HSDL2: variants seen among roughly 807,000 people sequenced by gnomAD.
HSDL2 encodes hydroxysteroid dehydrogenase like 2.
A neutral mutation model predicts 46.3 loss-of-function variants in HSDL2; 27 were observed. The ratio of observed to expected loss-of-function variants is 0.58; its 90% confidence interval spans 0.43 to 0.80. The LOEUF (loss-of-function observed/expected upper bound fraction) is 0.80, where lower values mean the gene tolerates loss of function less well. Ranked by LOEUF, HSDL2 falls within the 30% of genes least tolerant of loss-of-function variation. The probability of loss-of-function intolerance (pLI) is 0.00; values close to 1 mark genes in which losing one functional copy is unlikely to be tolerated. For synonymous variants in HSDL2, 153 were observed against 163.6 expected (o/e 0.94, Z 0.50); for missense variants, 451 against 502.7 (o/e 0.90, Z 0.98).
At chr9:112,380,660 G>A (rs1359007116) in intron 1 of HSDL2, among the ~76,000 whole-genome samples, 1 of 152,038 alleles carries the variant, frequency 6.6e-6, no homozygotes, top group East Asian at 2.0e-4. Context: ...GTATCTTTGG[G>A]GGATTTTTTT....
At chr9:112,457,815 A>G (rs141392196) in intron 9 of HSDL2, among the ~76,000 whole-genome samples, 92 of 152,150 alleles carry the variant, frequency 6.0e-4, no homozygotes, top group Non-Finnish European at 1.1e-3. Context: ...TCTCTCTCAA[A>G]TGTACCCACT....
chr9:112,438,678 C>T, intron 7 of HSDL2, 53 bp downstream of exon 7: 1 of 1,041,888 alleles, frequency 9.6e-7, no homozygotes, highest in Admixed American at 2.5e-5. Flanking sequence ...ATATTTTCTG[C>T]AATGAACATA....
chr9:112,433,184 C>T (rs1832447976), intron 6 of HSDL2, among the ~76,000 whole-genome samples: 1 of 152,018 alleles, frequency 6.6e-6, no homozygotes, highest in African/African-American at 2.4e-5. Context: ...TGGAATTTTT[C>T]AAAAAGGAGA....
intron 8 of HSDL2, among the ~76,000 whole-genome samples, chr9:112,449,428 T>G (rs1832828901): frequency 6.6e-6 from 1 of 152,136 alleles, no homozygotes; most frequent in African/African-American, 2.4e-5. Flanking sequence ...TTTTCTTGAT[T>G]AGTTGCTGAT....
chr9:112,381,834 GT>G (rs1228675712), intron 1 of HSDL2, among the ~76,000 whole-genome samples: 6 of 152,232 alleles, frequency 3.9e-5, no homozygotes, highest in African/African-American at 1.4e-4. Flanking sequence ...ACTGTTTCCA[GT>G]TTTTTGGATA....
intron 6 of HSDL2, among the ~76,000 whole-genome samples, chr9:112,422,302 G>A (rs1832142797): frequency 6.6e-6 from 1 of 152,046 alleles, no homozygotes; most frequent in South Asian, 2.1e-4. Context: ...CCAATATCCA[G>A]ACATGGAAAA....
chr9:112,470,068 T>C (rs987020905), intron 10 of HSDL2, among the ~76,000 whole-genome samples: 3 of 152,218 alleles, frequency 2.0e-5, no homozygotes, highest in Admixed American at 1.3e-4. Context: ...GAACTTGAAA[T>C]GTCAAAAGTT....
intron 5 of HSDL2, among the ~76,000 whole-genome samples, chr9:112,418,363 G>A (rs1044097898): frequency 2.6e-5 from 4 of 151,928 alleles, no homozygotes; most frequent in Non-Finnish European, 4.4e-5. Flanking sequence ...CAGGTGGATT[G>A]CTTGAGCCCA....
At chr9:112,409,133 A>G (rs547555861) in intron 4 of HSDL2, 112 bp downstream of exon 4, 25 of 619,254 alleles carry the variant, frequency 4.0e-5, no homozygotes, top group African/African-American at 3.2e-4. Flanking sequence ...AATCTAGTCA[A>G]TCCTTATAAG....
At chr9:112,446,210 T>C (rs1011440896) in intron 8 of HSDL2, among the ~76,000 whole-genome samples, 5 of 152,132 alleles carry the variant, frequency 3.3e-5, no homozygotes, top group African/African-American at 1.2e-4. Context: ...CTCCCTTCCC[T>C]GTCTATATGG....
chr9:112,404,800 A>G (rs1831688062), intron 2 of HSDL2, among the ~76,000 whole-genome samples: 1 of 152,244 alleles, frequency 6.6e-6, no homozygotes, highest in African/African-American at 2.4e-5. Flanking sequence ...TTCAGTTGAC[A>G]TTGCTAGTTT....
At chr9:112,414,486 T>C (rs180957633) in intron 4 of HSDL2, among the ~76,000 whole-genome samples, 1 of 152,304 alleles carries the variant, frequency 6.6e-6, no homozygotes, top group Admixed American at 6.5e-5. Flanking sequence ...GTTTTCAATA[T>C]AATATATAAG....
At chr9:112,403,498 G>A (rs894254228) in intron 1 of HSDL2, among the ~76,000 whole-genome samples, 1 of 152,152 alleles carries the variant, frequency 6.6e-6, no homozygotes, top group African/African-American at 2.4e-5. Flanking sequence ...CGTTTGAGTT[G>A]TTTCCACCTT....
At chr9:112,446,421 C>T (rs148823052) in intron 8 of HSDL2, among the ~76,000 whole-genome samples, 51 of 152,154 alleles carry the variant, frequency 3.4e-4, no homozygotes, top group African/African-American at 1.1e-3. Flanking sequence ...GCCAGGAGTT[C>T]GAGATGAGCC....
At chr9:112,386,068 T>G (rs1288312889) in intron 1 of HSDL2, among the ~76,000 whole-genome samples, 1 of 152,058 alleles carries the variant, frequency 6.6e-6, no homozygotes, top group African/African-American at 2.4e-5. Context: ...CCACCATGCC[T>G]AGGCCTCAAC....
chr9:112,414,169 A>G (rs1355563607), intron 4 of HSDL2: 1 of 153,668 alleles, frequency 6.5e-6, no homozygotes, highest in African/African-American at 2.4e-5. Context: ...TGATTTCTTT[A>G]TCATGGCTAG....
chr9:112,420,775 A>C (rs551082316), intron 6 of HSDL2, among the ~76,000 whole-genome samples: 1 of 152,274 alleles, frequency 6.6e-6, no homozygotes, highest in African/African-American at 2.4e-5. Flanking sequence ...TGTCCCGAGA[A>C]TACTCGTCTC....
At chr9:112,454,479 C>A (rs779448810) in intron 9 of HSDL2, among the ~76,000 whole-genome samples, 1 of 152,040 alleles carries the variant, frequency 6.6e-6, no homozygotes, top group Non-Finnish European at 1.5e-5. Context: ...AGATTAAGAT[C>A]AGTGCGTACG....
intron 3 of HSDL2, among the ~76,000 whole-genome samples, chr9:112,407,216 C>T (rs1037350628): frequency 6.6e-6 from 1 of 152,132 alleles, no homozygotes; most frequent in East Asian, 1.9e-4. Context: ...GATGTTTGTC[C>T]AACTGATAGG....
Sources: gnomAD v4.1 joint callset for allele counts (sites outside exome capture counted in the v4.1 genomes callset) on GRCh38, gnomAD v4.1.1 for gene constraint, MANE v1.5 for transcripts, NCBI Gene and HGNC (gene_info 2026-07-23, HGNC 2026-07-21) for gene names.